GLG1: variants seen among roughly 807,000 people sequenced by gnomAD.
The protein encoded by GLG1 is golgi glycoprotein 1, also known as Golgi apparatus protein 1.
GLG1 carries 38 observed loss-of-function variants against 160.5 expected under a neutral mutation model. The observed-to-expected ratio is 0.24, with a 90% CI of 0.18 to 0.31. The LOEUF (loss-of-function observed/expected upper bound fraction) is 0.31. Among genes scored for constraint, GLG1 ranks in the 10% least tolerant of loss-of-function variants. GLG1 has a pLI of 1.00. For synonymous variants in GLG1, 644 were observed against 543.4 expected, an observed-to-expected ratio of 1.19 and a Z score of -2.57; for missense variants, 1,373 against 1,505.2, an observed-to-expected ratio of 0.91 and a Z score of 1.45.
chr16:74,497,434 CTTTT>C (rs773526380), intron 4 of GLG1, among the ~76,000 whole-genome samples: 13 of 117,140 alleles, frequency 1.1e-4, no homozygotes, highest in South Asian at 8.3e-4. Flanking sequence ...ACAGTGCTTG[CTTTT>C]TTTTTTTTTT....
At chr16:74,511,208 A>G (rs1336743469) in intron 2 of GLG1, among the ~76,000 whole-genome samples, 1 of 152,206 alleles carries the variant, frequency 6.6e-6, no homozygotes, top group Non-Finnish European at 1.5e-5. Flanking sequence ...TAAAAAGTAC[A>G]TTAGAAATGA....
At position 74,592,040 on chromosome 16, in the gene GLG1, T is replaced by C. The variant is rs1958197357; in HGVS notation, c.438+14617A>G. On this transcript the variant is annotated intron_variant, in intron 1 of 25. Transcript: ENST00000422840. Reference sequence around the variant, plus strand: ...TATGTAGAGTTGGGCTCTCACCGTATTGCCAAACTGGTCTCAAACCTCTGG... The same window carrying C: ...TATGTAGAGTTGGGCTCTCACCGTACTGCCAAACTGGTCTCAAACCTCTGG... Among the ~76,000 whole-genome samples the C allele has an allele frequency of 1.3e-5, 2 of 152,226 alleles. 1 individual carries two copies. The highest frequency in any genetic ancestry group is 2.9e-5 in the Non-Finnish European group (2 of 68,034).
chr16:74,472,121 G>A (rs1019190123), intron 14 of GLG1, among the ~76,000 whole-genome samples: 1 of 152,118 alleles, frequency 6.6e-6, no homozygotes, highest in Non-Finnish European at 1.5e-5. Flanking sequence ...GCCCAGGCTG[G>A]TCTTGAAATC....
chr16:74,504,253 G>A (rs2016517916), intron 3 of GLG1, among the ~76,000 whole-genome samples: 1 of 152,188 alleles, frequency 6.6e-6, no homozygotes, highest in Non-Finnish European at 1.5e-5. Flanking sequence ...GGAGAGACAG[G>A]AGGGAAGGTG....
At chr16:74,529,854 T>TCACCCAGA (rs1206065442) in intron 2 of GLG1, among the ~76,000 whole-genome samples, 4 of 140,046 alleles carry the variant, frequency 2.9e-5, no homozygotes, top group Non-Finnish European at 4.6e-5. Context: ...TCTCACTCTG[T>TCACCCAGA]CACCCAGACT....
chr16:74,460,886 A>G (rs528890633), intron 22 of GLG1, among the ~76,000 whole-genome samples: 34 of 152,374 alleles, frequency 2.2e-4, no homozygotes, highest in African/African-American at 6.5e-4. Context: ...TGACATTCAC[A>G]TAGGTTCAGG....
At chr16:74,478,837 G>A (rs1231288582) in intron 11 of GLG1, among the ~76,000 whole-genome samples, 1 of 144,564 alleles carries the variant, frequency 6.9e-6, no homozygotes, top group Non-Finnish European at 1.5e-5. Flanking sequence ...AGATTGTGGT[G>A]AGCCGAGATC....
At chr16:74,486,253 C>T (rs770863308) in intron 8 of GLG1, among the ~76,000 whole-genome samples, 2 of 152,086 alleles carry the variant, frequency 1.3e-5, no homozygotes, top group Non-Finnish European at 2.9e-5. Flanking sequence ...CTGGTGCTCC[C>T]GGCAAAGCCA....
At chr16:74,475,017 T>C (rs1396131381) in intron 12 of GLG1, among the ~76,000 whole-genome samples, 1 of 149,328 alleles carries the variant, frequency 6.7e-6, no homozygotes, top group Non-Finnish European at 1.5e-5. Context: ...ATTACCCGGG[T>C]GTGGTGGTGG....
intron 2 of GLG1, among the ~76,000 whole-genome samples, chr16:74,530,948 T>C (rs912596083): frequency 6.6e-6 from 1 of 152,260 alleles, no homozygotes; most frequent in African/African-American, 2.4e-5. Context: ...ATGTCTGTTA[T>C]GTTTATTAAT....
intron 1 of GLG1, among the ~76,000 whole-genome samples, chr16:74,599,528 G>A (rs1356597865): frequency 6.6e-6 from 1 of 152,162 alleles, no homozygotes; most frequent in Non-Finnish European, 1.5e-5. Context: ...AGACCAGCCT[G>A]GCCAACATGG....
chr16:74,508,936 G>GA lies in GLG1; in HGVS notation c.472-12dup. On this transcript the variant is annotated splice_polypyrimidine_tract_variant and intron_variant, in intron 2 of 25. Coordinates refer to ENST00000422840, the MANE Select transcript of GLG1 (RefSeq NM_001145667.2). ...ATAATTCCACAACAACTAGATAGGA[G>GA]AGGAAAAAAAAAAACAAAGAAAAAC... 1.8e-6 allele frequency: 2 copies of GA among 1,116,900 alleles called. No homozygotes were observed. Among genetic ancestry groups the GA allele is most frequent in the Non-Finnish European group, 2.7e-6 (2 of 746,546 alleles). 69.2% of individuals were successfully genotyped at this position (1,116,900 alleles called of 1,614,324 possible). A position where few individuals can be genotyped will look rare whatever the true frequency, so the allele number is the denominator to read the frequency against.
intron 1 of GLG1, among the ~76,000 whole-genome samples, chr16:74,598,630 C>G (rs937982984): frequency 1.3e-5 from 2 of 151,910 alleles, no homozygotes; most frequent in South Asian, 2.1e-4. Flanking sequence ...CGGTGGCTCA[C>G]GTCTGTAATC....
chr16:74,521,894 G>A (rs1460787633), intron 2 of GLG1, among the ~76,000 whole-genome samples: 1 of 152,154 alleles, frequency 6.6e-6, no homozygotes, highest in African/African-American at 2.4e-5. Flanking sequence ...CAGGCCCCAT[G>A]GGAACCAATA....
Position 74,607,005 on chromosome 16 carries a change from G to A in GLG1, c.90C>T (p.Leu30=), listed in dbSNP as rs747289077. Residue 30 remains leucine (L), a synonymous_variant, in exon 1 of 26, where the codon CTC becomes CTT. Transcript: ENST00000422840. The part of the protein sequence containing the change: ...LLLFAAGAEK[L]PGQGVHSQGQ... ...CCTGGCTGTGGACGCCCTGGCCGGG[G>A]AGTTTCTCGGCCCCGGCCGCGAATA... 6.2e-7 allele frequency: 1 copy of A among 1,603,778 alleles called. No individual in the cohort carries two copies.
At position 74,463,705 on chromosome 16, in the gene GLG1, C is replaced by G. The variant is rs188428911; in HGVS notation, c.2668-226G>C. ...TAGCGGGGATTACAGGCGTGCGTCACCACGCCCAGCTCATTTTTGTGTTTT... is the reference window on the plus strand; with the variant it reads ...TAGCGGGGATTACAGGCGTGCGTCAGCACGCCCAGCTCATTTTTGTGTTTT... On this transcript the variant is annotated intron_variant, in intron 19 of 25. Transcript: ENST00000422840. Among the ~76,000 whole-genome samples the G allele has an allele frequency of 7.7e-4, 115 of 149,208 alleles. 1 individual carries two copies. In the East Asian group the frequency reaches 0.016, roughly 21 times the overall value.
At chr16:74,542,384 T>G (rs1428025247) in intron 1 of GLG1, among the ~76,000 whole-genome samples, 6 of 152,076 alleles carry the variant, frequency 3.9e-5, no homozygotes, top group Non-Finnish European at 8.8e-5. Context: ...AAAACTAGAC[T>G]AGGCCGGGCG....
At chr16:74,492,823 G>GA (rs370571319) in intron 7 of GLG1, 134 bp downstream of exon 7, 62,521 of 325,830 alleles carry the variant, frequency 0.19, 16 homozygotes, top group East Asian at 0.22. Flanking sequence ...TCCGTCTCAA[G>GA]AAAAAAAAAA....
intron 1 of GLG1, among the ~76,000 whole-genome samples, chr16:74,602,161 A>C (rs1958453402): frequency 6.6e-6 from 1 of 152,196 alleles, no homozygotes; most frequent in Non-Finnish European, 1.5e-5. Flanking sequence ...TGCAACACTG[A>C]AATGTTAATT....
Sources: gnomAD v4.1 joint callset for allele counts (sites outside exome capture counted in the v4.1 genomes callset) on GRCh38, gnomAD v4.1.1 for gene constraint, MANE v1.5 for transcripts, NCBI Gene and HGNC (gene_info 2026-07-23, HGNC 2026-07-21) for gene names.